KALRN: variants seen among roughly 807,000 people sequenced by gnomAD.
KALRN encodes kalirin RhoGEF kinase, also known as kalirin.
In KALRN, 70 loss-of-function variants were observed where a neutral mutation model predicts 353.7. That is an observed-to-expected ratio of 0.20 (90% CI 0.16 to 0.24). The LOEUF (loss-of-function observed/expected upper bound fraction) is 0.24, where lower values mean the gene tolerates loss of function less well. Among genes scored for constraint, KALRN ranks in the 10% least tolerant of loss-of-function variants. KALRN has a pLI of 1.00. For missense variants in KALRN, 2,791 were observed against 3,756.7 expected (o/e 0.74, Z 6.72); for synonymous variants, 1,391 against 1,434.8 (o/e 0.97, Z 0.69).
intron 1 of KALRN, among the ~76,000 whole-genome samples, chr3:124,066,952 A>T (rs2042413494): frequency 6.6e-6 from 1 of 152,224 alleles, no homozygotes; most frequent in Non-Finnish European, 1.5e-5. Context: ...TAGCTACGTA[A>T]GCTCTAGTAT....
At chr3:124,460,793 A>G (rs114291323) in intron 23 of KALRN, among the ~76,000 whole-genome samples, 1,715 of 152,340 alleles carry the variant, frequency 0.011, 31 homozygotes, top group African/African-American at 0.039. Context: ...ACAGAAAAAT[A>G]TAGAATATAC....
At chr3:124,376,842 T>C (rs1273967683) in intron 10 of KALRN, among the ~76,000 whole-genome samples, 1 of 152,094 alleles carries the variant, frequency 6.6e-6, no homozygotes, top group Non-Finnish European at 1.5e-5. Flanking sequence ...ATAGAAAAGA[T>C]GAGTAAGATG....
At chr3:124,117,637 G>A (rs955046974) in intron 1 of KALRN, among the ~76,000 whole-genome samples, 4 of 152,102 alleles carry the variant, frequency 2.6e-5, no homozygotes, top group Non-Finnish European at 5.9e-5. Flanking sequence ...GTGTGTGTCG[G>A]GGGAGTGGGG....
intron 1 of KALRN, among the ~76,000 whole-genome samples, chr3:124,181,691 G>A (rs2073622055): frequency 6.6e-6 from 1 of 152,156 alleles, no homozygotes; most frequent in Non-Finnish European, 1.5e-5. Flanking sequence ...ATCTTTTGCT[G>A]CAGTCGTTTG....
At chr3:124,675,509 C>T (rs897374010) in intron 49 of KALRN, 1 of 126,052 alleles carries the variant, frequency 7.9e-6, no homozygotes, top group African/African-American at 3.2e-5. Context: ...TTCTTTTCCT[C>T]CTCTTCTTCT....
Position 124,632,562 on chromosome 3 carries a change from T to G in KALRN, c.5325T>G (p.Ser1775Arg). 6.2e-7 allele frequency: 1 copy of G among 1,614,094 alleles called. No homozygotes were observed. Among genetic ancestry groups the G allele is most frequent in the Non-Finnish European group, 8.5e-7 (1 of 1,180,022 alleles). The change falls in exon 35 of 60, where the codon AGT (serine) becomes AGG (arginine). Residue 1775 changes from serine (S) to arginine (R), a missense_variant. Coordinates refer to ENST00000682506, the MANE Select transcript of KALRN (RefSeq NM_001388419.1). ...STNTLKKWLT[S>R]PVRRLNSGKA... ...ACACTCTTAAGAAGTGGCTGACGAG[T>G]CCTGTGCGTCGGCTTAACAGCGGGA...
intron 1 of KALRN, among the ~76,000 whole-genome samples, chr3:124,108,498 C>T (rs1478933398): frequency 6.6e-6 from 1 of 152,188 alleles, no homozygotes; most frequent in Non-Finnish European, 1.5e-5. Context: ...TGTTTGGGCA[C>T]ACAGTTAGAT....
intron 1 of KALRN, among the ~76,000 whole-genome samples, chr3:124,074,370 A>G (rs1308788111): frequency 6.6e-6 from 1 of 152,242 alleles, no homozygotes; most frequent in Non-Finnish European, 1.5e-5. Flanking sequence ...GGGCCATGGC[A>G]GGCCTGACTG....
At chr3:124,628,032 AG>A (rs2080159645) in intron 34 of KALRN, among the ~76,000 whole-genome samples, 1 of 152,192 alleles carries the variant, frequency 6.6e-6, no homozygotes, top group Non-Finnish European at 1.5e-5. Flanking sequence ...AAGTTCCAGC[AG>A]GGTCAAGGCT....
At chr3:124,315,993 G>A (rs2078765122) in intron 6 of KALRN, among the ~76,000 whole-genome samples, 2 of 152,130 alleles carry the variant, frequency 1.3e-5, no homozygotes, top group Admixed American at 1.3e-4. Flanking sequence ...CAGGTGAGAC[G>A]TTTGCAAGTC....
At position 124,224,519 on chromosome 3, in the gene KALRN, A is replaced by T. The variant is rs199897313; in HGVS notation, c.74-3471A>T. On this transcript the variant is annotated intron_variant, in intron 1 of 59. Coordinates refer to ENST00000682506, the MANE Select transcript of KALRN (RefSeq NM_001388419.1). ...AAGTGTGATCTAGAGTTTATTTTCT[A>T]ATAGTTCTACCAAATATACCAGAAA... is the stretch of plus-strand genomic sequence containing the variant. Among the ~76,000 whole-genome samples, 7 of 152,320 alleles carry T rather than the reference A, an allele frequency of 4.6e-5. No individual in the cohort carries two copies. In the East Asian group the frequency reaches 5.8e-4, roughly 13 times the overall value.
chr3:124,570,252 C>T (rs2073362998), intron 34 of KALRN, among the ~76,000 whole-genome samples: 1 of 152,212 alleles, frequency 6.6e-6, no homozygotes, highest in Admixed American at 6.5e-5. Context: ...CTAAACATTT[C>T]CTTTCAGGTA....
chr3:124,042,081 G>A (rs547275917), intron 1 of KALRN, among the ~76,000 whole-genome samples: 66 of 152,246 alleles, frequency 4.3e-4, no homozygotes, highest in Middle Eastern at 6.8e-3. Flanking sequence ...CTTGATCTGG[G>A]ACATAGGATG....
chr3:124,507,995 A>AT lies in KALRN; in HGVS notation c.4935+11588dup, dbSNP rs575250235. Among the ~76,000 whole-genome samples the AT allele has an allele frequency of 4.1e-3, 622 of 152,192 alleles. 10 individuals are homozygous for AT. Among genetic ancestry groups the AT allele is most frequent in the Admixed American group, 0.023 (354 of 15,284 alleles). On this transcript the variant is annotated intron_variant, in intron 33 of 59. Transcript: ENST00000682506. ...GGTCCCAAAATATTTATTCTATATT[A>AT]TTTTTTAATTGAAATGTACAGTATT...
In KALRN at chr3:124,495,982, T is replaced by TATATAC. The variant is rs1561136459; in HGVS notation, c.4833-324_4833-323insCATATA. Among the ~76,000 whole-genome samples, 268 of 45,310 alleles carry TATATAC rather than the reference T, an allele frequency of 5.9e-3. 20 individuals are homozygous for TATATAC. The highest frequency in any genetic ancestry group is 0.013 in the South Asian group (14 of 1,096). The allele number at this position is 45,310 out of a possible 152,430, so 29.7% of individuals were successfully genotyped here. ...GTATGTATGTATATATATATATATA[T>TATATAC]ATATATATATATATATATATATATA... On this transcript the variant is annotated intron_variant, in intron 32 of 59. Coordinates refer to ENST00000682506, the MANE Select transcript of KALRN (RefSeq NM_001388419.1).
rs1286228597 is a variant in KALRN, at chr3:124,574,055, T to G, written c.5182+10966T>G. Among the ~76,000 whole-genome samples, 6 of 152,178 alleles carry G rather than the reference T, an allele frequency of 3.9e-5. No homozygotes were observed. In the East Asian group the frequency reaches 1.2e-3, roughly 29 times the overall value. On this transcript the variant is annotated intron_variant, in intron 34 of 59. Coordinates refer to ENST00000682506, the MANE Select transcript of KALRN (RefSeq NM_001388419.1). ...TGTTGGGTGTATATGAGGGGACCAC[T>G]CTTTAATTCAAAGAAGAGCAGGACA...
At chr3:124,655,574 A>G in intron 38 of KALRN, 27 bp from the exon 39 acceptor site, 2 of 1,588,424 alleles carry the variant, frequency 1.3e-6, no homozygotes, top group South Asian at 1.1e-5. Flanking sequence ...GAAGAGGAAC[A>G]CTCACTGTTC....
At chr3:124,249,641 A>T (rs1039063069) in intron 3 of KALRN, among the ~76,000 whole-genome samples, 1 of 152,208 alleles carries the variant, frequency 6.6e-6, no homozygotes, top group Admixed American at 6.5e-5. Context: ...CATGCACAGG[A>T]TAAGGGCCTC....
chr3:124,520,783 G>A (rs987348378), intron 33 of KALRN, among the ~76,000 whole-genome samples: 5 of 152,214 alleles, frequency 3.3e-5, no homozygotes, highest in African/African-American at 7.2e-5. Context: ...TTCACTGGGC[G>A]CTTTTCTGAC....
Sources: allele counts gnomAD v4.1 joint callset (sites outside exome capture counted in the v4.1 genomes callset), GRCh38; gene constraint gnomAD v4.1.1; transcripts MANE v1.5; gene names NCBI Gene and HGNC (gene_info 2026-07-23, HGNC 2026-07-21).